The following TMEM132D variants were observed in gnomAD, a reference collection of about 807,000 sequenced individuals.
The protein encoded by TMEM132D is transmembrane protein 132D.
TMEM132D carries 21 observed loss-of-function variants against 62.3 expected under a neutral mutation model. That is an observed-to-expected ratio of 0.34 (90% CI 0.24 to 0.49). The LOEUF (loss-of-function observed/expected upper bound fraction) is 0.49, where lower values mean the gene tolerates loss of function less well. Among genes scored for constraint, TMEM132D ranks in the 20% least tolerant of loss-of-function variants. The pLI is 0.99. For synonymous variants in TMEM132D, 621 were observed against 575.6 expected (o/e 1.08, Z -1.13); for missense variants, 1,346 against 1,402.8 (o/e 0.96, Z 0.65).
intron 3 of TMEM132D, among the ~76,000 whole-genome samples, chr12:129,434,155 CT>C: frequency 6.6e-6 from 1 of 152,206 alleles, no homozygotes; most frequent in Admixed American, 6.5e-5. Context: ...GAAAAATGTT[CT>C]ACTTAGGTTG....
intron 2 of TMEM132D, among the ~76,000 whole-genome samples, chr12:129,659,973 G>T (rs1180848379): frequency 6.6e-6 from 1 of 152,126 alleles, no homozygotes; most frequent in Non-Finnish European, 1.5e-5. Context: ...AGAACCCCTT[G>T]GGCCTGGGAA....
intron 1 of TMEM132D, among the ~76,000 whole-genome samples, chr12:129,808,641 G>C (rs1872071973): frequency 6.6e-6 from 1 of 152,162 alleles, no homozygotes. Flanking sequence ...CAGAACACAA[G>C]AGAAGTTCTG....
chr12:129,802,173 A>G, intron 1 of TMEM132D, among the ~76,000 whole-genome samples: 1 of 151,674 alleles, frequency 6.6e-6, no homozygotes, highest in Non-Finnish European at 1.5e-5. Flanking sequence ...ATTCAGACTC[A>G]GGAAATACAG....
At chr12:129,814,172 G>C (rs752858527) in intron 1 of TMEM132D, among the ~76,000 whole-genome samples, 24 of 152,258 alleles carry the variant, frequency 1.6e-4, no homozygotes, top group Non-Finnish European at 2.9e-4. Flanking sequence ...CGGAGCTAGA[G>C]AGTAGGTTGG....
chr12:129,468,103 C>A (rs1873971133), intron 3 of TMEM132D, among the ~76,000 whole-genome samples: 1 of 152,162 alleles, frequency 6.6e-6, no homozygotes, highest in African/African-American at 2.4e-5. Context: ...CCACTTCAGC[C>A]ACTCTGCATC....
intron 2 of TMEM132D, among the ~76,000 whole-genome samples, chr12:129,537,052 C>G (rs1418201834): frequency 6.6e-6 from 1 of 150,836 alleles, no homozygotes; most frequent in African/African-American, 2.4e-5. Context: ...CCCAGCTACT[C>G]AGGAGGCTGA....
rs573117545 is a variant in TMEM132D at position 129,281,354 on chromosome 12, C to T, written c.1299+56280G>A. On this transcript the variant is annotated intron_variant, in intron 4 of 8. Transcript: ENST00000422113. ...TGTGCACACACACACAACTGTGGCACTTCTATGTTTCAGGTTTTTTTGTTT... is the reference window on the plus strand; with the variant it reads ...TGTGCACACACACACAACTGTGGCATTTCTATGTTTCAGGTTTTTTTGTTT... Among the ~76,000 whole-genome samples, 151 of 151,640 alleles carry T rather than the reference C, an allele frequency of 1.0e-3. 1 individual carries two copies. The highest frequency in any genetic ancestry group is 3.6e-3 in the African/African-American group (147 of 41,308).
intron 3 of TMEM132D, among the ~76,000 whole-genome samples, chr12:129,443,590 T>C (rs1358133231): frequency 6.6e-6 from 1 of 152,012 alleles, no homozygotes; most frequent in Non-Finnish European, 1.5e-5. Context: ...TCCCTTCCTC[T>C]TTCTCTATTC....
At position 129,451,885 on chromosome 12, in the gene TMEM132D, A is replaced by G. The variant is rs545595335; in HGVS notation, c.1115+79174T>C. 7.7e-4 allele frequency among the ~76,000 whole-genome samples: 117 copies of G among 152,292 alleles called. 3 individuals are homozygous for G. In the South Asian group the frequency reaches 0.024, roughly 31 times the overall value. On this transcript the variant is annotated intron_variant, in intron 3 of 8. Coordinates refer to ENST00000422113, the MANE Select transcript of TMEM132D (RefSeq NM_133448.3). Reference sequence around the variant, plus strand: ...CACACGGCTATACTAGCTGCAAAGGAACCTGGAAGTTGTTTTACCTGGGAG... The same window carrying G: ...CACACGGCTATACTAGCTGCAAAGGGACCTGGAAGTTGTTTTACCTGGGAG...
chr12:129,108,469 C>T (rs575798404), intron 5 of TMEM132D, among the ~76,000 whole-genome samples: 12 of 152,250 alleles, frequency 7.9e-5, no homozygotes, highest in Non-Finnish European at 5.9e-5. Context: ...TACTTGCAGA[C>T]GATGTCCCTG....
Position 129,436,126 on chromosome 12 carries a change from G to A in TMEM132D, c.1115+94933C>T, listed in dbSNP as rs571488421. Among the ~76,000 whole-genome samples, 78 of 152,234 alleles carry A rather than the reference G, an allele frequency of 5.1e-4. 1 individual carries two copies. The highest frequency in any genetic ancestry group is 5.0e-3 in the Admixed American group (76 of 15,280). On this transcript the variant is annotated intron_variant, in intron 3 of 8. Coordinates refer to ENST00000422113, the MANE Select transcript of TMEM132D (RefSeq NM_133448.3). ...ACGGCAGCTATCTTGAGGGCACGTG[G>A]ATGAGAATCTCAGCCTAAATCTGGC...
chr12:129,570,544 A>G (rs1877483971), intron 2 of TMEM132D, among the ~76,000 whole-genome samples: 1 of 152,174 alleles, frequency 6.6e-6, no homozygotes, highest in African/African-American at 2.4e-5. Flanking sequence ...GACCTCTGGG[A>G]GCAGGTGTGA....
intron 3 of TMEM132D, among the ~76,000 whole-genome samples, chr12:129,481,713 G>T (rs1265842736): frequency 6.6e-6 from 1 of 152,204 alleles, no homozygotes; most frequent in East Asian, 1.9e-4. Context: ...CATTACTGGT[G>T]ATAATGTTAA....
At chr12:129,848,602 C>T (rs760595760) in intron 1 of TMEM132D, among the ~76,000 whole-genome samples, 2 of 152,112 alleles carry the variant, frequency 1.3e-5, no homozygotes, top group Non-Finnish European at 2.9e-5. Flanking sequence ...CAGTCATTTG[C>T]AAATTAGATA....
chr12:129,090,447 C>A (rs915208335), intron 5 of TMEM132D, among the ~76,000 whole-genome samples: 1 of 152,100 alleles, frequency 6.6e-6, no homozygotes, highest in African/African-American at 2.4e-5. Flanking sequence ...GGAGGATCAC[C>A]TGAGGTCAGG....
At chr12:129,149,548 G>A (rs1419453653) in intron 5 of TMEM132D, among the ~76,000 whole-genome samples, 1 of 152,188 alleles carries the variant, frequency 6.6e-6, no homozygotes, top group Non-Finnish European at 1.5e-5. Context: ...CAGGAGACGT[G>A]TTTCTATTCT....
chr12:129,656,210 TAGGA>T (rs1880068954), intron 2 of TMEM132D, among the ~76,000 whole-genome samples: 1 of 144,220 alleles, frequency 6.9e-6, no homozygotes, highest in African/African-American at 2.6e-5. Context: ...AGAAGGAAGA[TAGGA>T]AGGGAGGAAG....
intron 2 of TMEM132D, among the ~76,000 whole-genome samples, chr12:129,637,488 G>T (rs1354296506): frequency 6.6e-6 from 1 of 152,108 alleles, no homozygotes; most frequent in East Asian, 1.9e-4. Flanking sequence ...GTCCTGTGTA[G>T]TGAGTGAATT....
chr12:129,367,611 G>A (rs763228920), intron 3 of TMEM132D, among the ~76,000 whole-genome samples: 1 of 152,090 alleles, frequency 6.6e-6, no homozygotes, highest in Non-Finnish European at 1.5e-5. Context: ...GTTGCTTGTG[G>A]CCATCTCCGC....
Sources: gnomAD v4.1 joint callset for allele counts (sites outside exome capture counted in the v4.1 genomes callset) on GRCh38, gnomAD v4.1.1 for gene constraint, MANE v1.5 for transcripts, NCBI Gene and HGNC (gene_info 2026-07-23, HGNC 2026-07-21) for gene names.